Variants in SPTBN4 observed in about 807,000 individuals in gnomAD.
SPTBN4 encodes spectrin beta chain, non-erythrocytic 4.
Under a neutral mutation model 277.8 loss-of-function variants are expected in SPTBN4, and 96 were observed. The ratio of observed to expected loss-of-function variants is 0.35; its 90% CI spans 0.29 to 0.41. SPTBN4 has a LOEUF of 0.41. SPTBN4 is among the 10% of genes least tolerant of loss of function. SPTBN4 has a pLI of 1.00. For synonymous variants in SPTBN4, 1,481 were observed against 1,580.3 expected, an observed-to-expected ratio of 0.94 and a Z score of 1.49; for missense variants, 3,006 against 3,595.7, an observed-to-expected ratio of 0.84 and a Z score of 4.19.
rs113769535 is a variant in SPTBN4 at position 40,528,844 on chromosome 19, C to T, written c.3858-197C>T. Among the ~76,000 whole-genome samples, 97 of 152,054 alleles carry T rather than the reference C, an allele frequency of 6.4e-4. 2 individuals carry two copies. Among genetic ancestry groups the T allele is most frequent in the African/African-American group, 2.1e-3 (89 of 41,442 alleles). Reference sequence around the variant, plus strand: ...TGTCTCTGCCTCTCCCTTTCTCTTCCTCTGTCTGTCTCTCTCTCTGCCCTT... The same window carrying T: ...TGTCTCTGCCTCTCCCTTTCTCTTCTTCTGTCTGTCTCTCTCTCTGCCCTT... On this transcript the variant is annotated intron_variant, in intron 17 of 35. Transcript: ENST00000598249.
chr19:40,512,578 C>T, intron 13 of SPTBN4, 28 bp from the exon 14 acceptor site: 2 of 1,506,616 alleles, frequency 1.3e-6, no homozygotes, highest in Non-Finnish European at 1.8e-6. Context: ...TGTGACCAAT[C>T]CTGGATGCTC....
chr19:40,480,736 A>G (rs2145812129), intron 2 of SPTBN4, among the ~76,000 whole-genome samples: 1 of 152,168 alleles, frequency 6.6e-6, no homozygotes, highest in South Asian at 2.1e-4. Context: ...GTTGATAAGC[A>G]TTTGGGTTGC....
Position 40,522,493 on chromosome 19 carries a change from C to T in SPTBN4, c.3655-944C>T, listed in dbSNP as rs552866486. Among the ~76,000 whole-genome samples the T allele has an allele frequency of 2.8e-4, 42 of 151,476 alleles. No homozygotes were observed. The South Asian group carries it at 8.8e-3, about 32-fold the overall frequency. ...TCAGCCTCCTGAGTAGCTGGGATAA[C>T]AGGTGTGTGCCACTACACCCGGCTA... is the stretch of plus-strand genomic sequence containing the variant. On this transcript the variant is annotated intron_variant, in intron 16 of 35. Transcript: ENST00000598249.
At position 40,519,680 on chromosome 19, in the gene SPTBN4, G is replaced by C; in HGVS notation, c.3183G>C (p.Gln1061His). The C allele has an allele frequency of 7.2e-7, 1 of 1,390,246 alleles. No homozygotes were observed. Among genetic ancestry groups the C allele is most frequent in the Non-Finnish European group, 9.2e-7 (1 of 1,082,972 alleles). 86.1% of individuals were successfully genotyped at this position (1,390,246 alleles called of 1,614,324 possible). ...RFPAQAARLHQGAEELGAEWG... is the reference protein window; with the variant it reads ...RFPAQAARLHHGAEELGAEWG... ...CGGCGCAGGCGGCGCGGCTGCACCA[G>C]GGCGCGGAGGAGCTGGGCGCCGAGT... The change falls in exon 16 of 36, where the codon CAG becomes CAC. Residue 1061 changes from glutamine (Q) to histidine (H), a missense_variant. By Grantham distance (24) the Gln-to-His change is conservative (BLOSUM62 0). This residue lies in a region of SPTBN4 where 1,759 missense variants were observed against 2,061.5 expected (regional missense o/e 0.85). Coordinates refer to ENST00000598249, the MANE Select transcript of SPTBN4 (RefSeq NM_020971.3). This position sits in a 1 kb window ranked among gnomAD's most constrained non-coding sequence, Gnocchi z 5.7.
At chr19:40,570,071 G>A (rs1181547331) in intron 32 of SPTBN4, among the ~76,000 whole-genome samples, 1 of 150,194 alleles carries the variant, frequency 6.7e-6, no homozygotes, top group African/African-American at 2.5e-5. Flanking sequence ...CCTGGACTCC[G>A]TATTTCTTCA....
intron 13 of SPTBN4, among the ~76,000 whole-genome samples, chr19:40,508,326 C>A (rs2080352502): frequency 6.6e-6 from 1 of 152,216 alleles, no homozygotes; most frequent in East Asian, 1.9e-4. Flanking sequence ...CCTCTGTGGT[C>A]AAACGAAGTT....
At position 40,557,139 on chromosome 19, in the gene SPTBN4, G is replaced by A. The variant is rs1251032578; in HGVS notation, c.5406G>A (p.Ala1802=). The A allele has an allele frequency of 5.6e-6, 9 of 1,611,256 alleles. No homozygotes were observed. Among genetic ancestry groups the A allele is most frequent in the Non-Finnish European group, 7.6e-6 (9 of 1,177,850 alleles). ...TGATCGAGTGTGGCCATACAGCAGC[G>A]GCCACCATGGCCGAGTGGAAGGACG... is the stretch of plus-strand genomic sequence containing the variant. ...DELIECGHTA[A]ATMAEWKDGL... is the part of the protein sequence containing the mutation. Residue 1802 remains alanine, a synonymous_variant, in exon 26 of 36, where the codon GCG becomes GCA. Coordinates refer to ENST00000598249, the MANE Select transcript of SPTBN4 (RefSeq NM_020971.3).
rs1273773905 is a variant in SPTBN4, at chr19:40,560,724, AG to A, written c.5915+324del. ...AGGGAGGTGTGGGACTGTATTTGTG[AG>A]GGTGGGTGAAGAATTCTAACAATTC... On this transcript the variant is annotated intron_variant, in intron 27 of 35. Coordinates refer to ENST00000598249, the MANE Select transcript of SPTBN4 (RefSeq NM_020971.3). The surrounding 1 kb of genome is among the most constrained non-coding windows in gnomAD (Gnocchi z 5.2). 6 of 1,366,006 alleles carry A rather than the reference AG, an allele frequency of 4.4e-6. No individual in the cohort carries two copies. Among genetic ancestry groups the A allele is most frequent in the Non-Finnish European group, 5.6e-6 (6 of 1,062,188 alleles). The allele number at this position is 1,366,006 out of a possible 1,614,324, so 84.6% of individuals were successfully genotyped here.
chr19:40,563,706 T>C (rs2081065839), intron 27 of SPTBN4, among the ~76,000 whole-genome samples: 1 of 148,280 alleles, frequency 6.7e-6, no homozygotes, highest in Non-Finnish European at 1.5e-5. Flanking sequence ...AGAAGGAGAC[T>C]CCATCTCAAA....
chr19:40,568,108 C>T lies in SPTBN4; in HGVS notation c.6782C>T (p.Ala2261Val), dbSNP rs766001025. 2.9e-5 allele frequency: 46 copies of T among 1,569,590 alleles called. No individual in the cohort carries two copies. Among genetic ancestry groups the T allele is most frequent in the Middle Eastern group, 1.7e-4 (1 of 5,952 alleles). Residue 2261 changes from alanine to valine, a missense_variant, in exon 31 of 36, where the codon GCT (alanine) becomes GTT (valine). Ala to Val is a moderately conservative substitution (Grantham distance 64, BLOSUM62 0). This residue lies in a region of SPTBN4 where 630 missense variants were observed against 677.6 expected (regional missense o/e 0.93). Transcript: ENST00000598249. ...GAGTCAGTCGATCAATCCGAGGAGGCTGCGCGGAGGCGGCGGCCGGAGCGG... is the reference window on the plus strand; with the variant it reads ...GAGTCAGTCGATCAATCCGAGGAGGTTGCGCGGAGGCGGCGGCCGGAGCGG... ...RQESVDQSEEAARRRRPERQE... is the reference protein window; with the variant it reads ...RQESVDQSEEVARRRRPERQE...
intron 20 of SPTBN4, among the ~76,000 whole-genome samples, chr19:40,547,090 T>TA (rs1167998658): frequency 6.6e-6 from 1 of 152,180 alleles, no homozygotes; most frequent in Non-Finnish European, 1.5e-5. Context: ...GCAGGTTTGT[T>TA]ACATAGGAAT....
intron 26 of SPTBN4, 144 bp downstream of exon 26, chr19:40,557,547 A>T: frequency 1.0e-6 from 1 of 972,000 alleles, no homozygotes; most frequent in Non-Finnish European, 1.4e-6. Context: ...AAGAAATTAG[A>T]TAATGGAGCA....
chr19:40,539,795 C>T (rs1347223301), intron 20 of SPTBN4, among the ~76,000 whole-genome samples: 1 of 151,826 alleles, frequency 6.6e-6, no homozygotes, highest in African/African-American at 2.4e-5. Flanking sequence ...TCATTTTCTT[C>T]TTCAGTAAAA....
rs777455627 is a variant in SPTBN4, at chr19:40,549,269, G to A, written c.4440G>A (p.Pro1480=). 21 of 1,545,620 alleles carry A rather than the reference G, an allele frequency of 1.4e-5. No individual in the cohort carries two copies. In the South Asian group the frequency reaches 2.4e-4, roughly 18 times the overall value. ...QAQTAALPLE[P]ASKELVGERQ... ...AGACGGCGGCGCTGCCGCTGGAGCCGGCGAGCAAGGAGCTGGTGGGTGAGC... is the reference window on the plus strand; with the variant it reads ...AGACGGCGGCGCTGCCGCTGGAGCCAGCGAGCAAGGAGCTGGTGGGTGAGC... The change falls in exon 21 of 36, where the codon CCG becomes CCA. Residue 1480 remains proline, a synonymous_variant. Transcript: ENST00000598249.
chr19:40,547,780 G>C lies in SPTBN4; in HGVS notation c.4360-1409G>C, dbSNP rs935636294. 2.0e-5 allele frequency among the ~76,000 whole-genome samples: 3 copies of C among 152,226 alleles called. No individual in the cohort carries two copies. In the South Asian group the frequency reaches 6.2e-4, roughly 31 times the overall value. On this transcript the variant is annotated intron_variant, in intron 20 of 35. Transcript: ENST00000598249. ...TTGATTTGCATTTATCTGATGACCA[G>C]TGATGGTGAGCATTTTTTCATATGT...
intron 26 of SPTBN4, among the ~76,000 whole-genome samples, chr19:40,558,042 T>C (rs2081001946): frequency 6.6e-6 from 1 of 151,952 alleles, no homozygotes; most frequent in Admixed American, 6.6e-5. Flanking sequence ...GAGAGGAATT[T>C]GGCTGTGGTG....
At chr19:40,500,839 T>C (rs902459669) in intron 7 of SPTBN4, among the ~76,000 whole-genome samples, 3 of 149,054 alleles carry the variant, frequency 2.0e-5, no homozygotes, top group African/African-American at 7.5e-5. Flanking sequence ...AGCTTGAGAC[T>C]GTCTCAAAAA....
At chr19:40,569,520 C>T in intron 31 of SPTBN4, 137 bp from the exon 32 acceptor site, 1 of 798,976 alleles carries the variant, frequency 1.3e-6, no homozygotes, top group Non-Finnish European at 2.0e-6. Context: ...AGGCGAGCAT[C>T]TGAGAGAAAC....
At chr19:40,558,615 T>G (rs2081008770) in intron 26 of SPTBN4, among the ~76,000 whole-genome samples, 1 of 150,742 alleles carries the variant, frequency 6.6e-6, no homozygotes, top group Non-Finnish European at 1.5e-5. Flanking sequence ...TTTGTTTGTT[T>G]GTTTATTTTT....
Sources: allele counts gnomAD v4.1 joint callset (sites outside exome capture counted in the v4.1 genomes callset), GRCh38; gene constraint gnomAD v4.1.1; regional missense constraint gnomAD v4.1.1; non-coding constraint Gnocchi (gnomAD v3.1); transcripts MANE v1.5; gene names NCBI Gene and HGNC (gene_info 2026-07-23, HGNC 2026-07-21).